CYP7B1: variants seen among roughly 807,000 people sequenced by gnomAD.
The protein encoded by CYP7B1 is cytochrome P450 7B1.
CYP7B1 carries 29 observed loss-of-function variants against 42.7 expected under a neutral mutation model. That is an observed-to-expected ratio of 0.68 (90% CI 0.51 to 0.93). CYP7B1 has a LOEUF of 0.93. CYP7B1 is among the 40% of genes least tolerant of loss of function. CYP7B1 has a pLI of 0.00. For synonymous variants in CYP7B1, 235 were observed against 218.2 expected, an observed-to-expected ratio of 1.08 and a Z score of -0.68; for missense variants, 655 against 600.5, an observed-to-expected ratio of 1.09 and a Z score of -0.95.
chr8:64,741,507 C>T lies in CYP7B1; in HGVS notation c.122+56959G>A, dbSNP rs531360358. 1.4e-3 allele frequency among the ~76,000 whole-genome samples: 217 copies of T among 152,068 alleles called. 1 individual carries two copies. The highest frequency in any genetic ancestry group is 2.3e-3 in the Non-Finnish European group (154 of 67,962). ...GCTAATTTTGCATTTTTAGTAGAGA[C>T]GAGGTTTCTCCATGTTGGTCAGGCT... On this transcript the variant is annotated intron_variant, in intron 1 of 5. Coordinates refer to ENST00000310193, the MANE Select transcript of CYP7B1 (RefSeq NM_004820.5).
At chr8:64,633,112 G>C (rs1328663351) in intron 1 of CYP7B1, among the ~76,000 whole-genome samples, 5 of 152,118 alleles carry the variant, frequency 3.3e-5, no homozygotes, top group African/African-American at 1.2e-4. Flanking sequence ...TTACATTTCT[G>C]CACATTTGAC....
intron 5 of CYP7B1, among the ~76,000 whole-genome samples, chr8:64,604,037 T>C (rs1474373644): frequency 3.3e-5 from 5 of 152,174 alleles, no homozygotes; most frequent in African/African-American, 1.2e-4. Flanking sequence ...GAAGCGGTAT[T>C]AAGGGATGAA....
At chr8:64,794,408 CA>C (rs1259292351) in intron 1 of CYP7B1, among the ~76,000 whole-genome samples, 3 of 152,160 alleles carry the variant, frequency 2.0e-5, no homozygotes, top group African/African-American at 7.2e-5. Context: ...ACTGCTATTG[CA>C]AAATACCATA....
intron 1 of CYP7B1, among the ~76,000 whole-genome samples, chr8:64,775,514 A>G (rs576753471): frequency 1.3e-5 from 2 of 152,150 alleles, no homozygotes; most frequent in Non-Finnish European, 2.9e-5. Context: ...CTAATGTATT[A>G]CTTGTTGATG....
chr8:64,621,470 CAAT>C (rs1250822726), intron 2 of CYP7B1, among the ~76,000 whole-genome samples: 1 of 152,136 alleles, frequency 6.6e-6, no homozygotes, highest in Non-Finnish European at 1.5e-5. Flanking sequence ...GTCAGGTAAA[CAAT>C]AACATTCTGG....
At position 64,594,974 on chromosome 8, in the gene CYP7B1, C is replaced by A. The variant is rs1221727438; in HGVS notation, c.*1668G>T. On this transcript the variant is annotated 3_prime_UTR_variant, in exon 6 of 6. Coordinates refer to ENST00000310193, the MANE Select transcript of CYP7B1 (RefSeq NM_004820.5). ...ATGAGAAACAGAAAGAAACTAAGAA[C>A]ATCAAAGACAAAGAGGACACGTTAA... 6.6e-6 allele frequency among the ~76,000 whole-genome samples: 1 copy of A among 152,180 alleles called. No homozygotes were observed. The highest frequency in any genetic ancestry group is 1.5e-5 in the Non-Finnish European group (1 of 68,036).
At chr8:64,589,869 T>G (rs1805012080), downstream of CYP7B1, 1 of 152,230 alleles carries the variant, frequency 6.6e-6, no homozygotes, top group African/African-American at 2.4e-5. Flanking sequence ...AAATACTTCA[T>G]GATTATATCT....
chr8:64,795,221 C>T (rs764709625), intron 1 of CYP7B1, among the ~76,000 whole-genome samples: 11 of 152,086 alleles, frequency 7.2e-5, no homozygotes, highest in South Asian at 2.1e-4. Context: ...ATAAGTTATA[C>T]GCAAAAAAGG....
chr8:64,704,489 T>C (rs1164418701), intron 1 of CYP7B1, among the ~76,000 whole-genome samples: 3 of 152,090 alleles, frequency 2.0e-5, no homozygotes, highest in Non-Finnish European at 2.9e-5. Context: ...AAATATAATA[T>C]GTATCAGAAC....
At chr8:64,747,247 AT>A (rs1260886904) in intron 1 of CYP7B1, among the ~76,000 whole-genome samples, 2 of 148,136 alleles carry the variant, frequency 1.4e-5, no homozygotes, top group Non-Finnish European at 3.0e-5. Context: ...ATAATATAGT[AT>A]TAAACGTAGT....
At chr8:64,770,189 A>G (rs1247772415) in intron 1 of CYP7B1, among the ~76,000 whole-genome samples, 2 of 152,192 alleles carry the variant, frequency 1.3e-5, no homozygotes, top group African/African-American at 4.8e-5. Flanking sequence ...TATATAAATC[A>G]TAGATGAGAC....
At chr8:64,685,189 G>A (rs932465732) in intron 1 of CYP7B1, among the ~76,000 whole-genome samples, 41 of 152,024 alleles carry the variant, frequency 2.7e-4, no homozygotes, top group African/African-American at 9.4e-4. Flanking sequence ...GGCAGCGGCT[G>A]GAGGAGCGGA....
At chr8:64,727,491 T>C (rs915298714) in intron 1 of CYP7B1, among the ~76,000 whole-genome samples, 1 of 152,168 alleles carries the variant, frequency 6.6e-6, no homozygotes, top group Admixed American at 6.5e-5. Context: ...ACATTGATCA[T>C]AATAGTAAAT....
chr8:64,670,293 T>C (rs1034077933), intron 1 of CYP7B1, among the ~76,000 whole-genome samples: 6 of 152,190 alleles, frequency 3.9e-5, no homozygotes, highest in African/African-American at 9.6e-5. Flanking sequence ...TCCTCTTACA[T>C]GTTTACATGT....
chr8:64,589,178 C>A (rs2129629550), downstream of CYP7B1, among the ~76,000 whole-genome samples: 1 of 152,344 alleles, frequency 6.6e-6, no homozygotes, highest in South Asian at 2.1e-4. Context: ...GTTGGATTTA[C>A]AGCATGTTGT....
intron 1 of CYP7B1, among the ~76,000 whole-genome samples, chr8:64,667,544 G>GATA (rs148738162): frequency 6.6e-6 from 1 of 152,082 alleles, no homozygotes; most frequent in African/African-American, 2.4e-5. Context: ...AGATAAGGAA[G>GATA]ATAATAATAA....
chr8:64,734,984 A>AT (rs1157296096), intron 1 of CYP7B1, among the ~76,000 whole-genome samples: 2 of 152,102 alleles, frequency 1.3e-5, no homozygotes, highest in Non-Finnish European at 1.5e-5. Context: ...GGCACCAGGG[A>AT]TTGGTCACTC....
At chr8:64,651,605 G>A (rs1806039746) in intron 1 of CYP7B1, among the ~76,000 whole-genome samples, 1 of 152,134 alleles carries the variant, frequency 6.6e-6, no homozygotes, top group African/African-American at 2.4e-5. Context: ...TGGTATTTGG[G>A]GGTGAGGCCT....
rs955525154 is a variant in CYP7B1 at position 64,786,670 on chromosome 8, T to A, written c.122+11796A>T. ...CAAGCTGTCAGTGGATCTACCATTA[T>A]GGGGTCTGGAGGATGGTGGCCTCCT... On this transcript the variant is annotated intron_variant, in intron 1 of 5. Transcript: ENST00000310193. Among the ~76,000 whole-genome samples, 3 of 152,320 alleles carry A rather than the reference T, an allele frequency of 2.0e-5. No individual in the cohort carries two copies. The South Asian group carries it at 6.2e-4, about 32-fold the overall frequency.
Sources: gnomAD v4.1 joint callset for allele counts (sites outside exome capture counted in the v4.1 genomes callset) on GRCh38, gnomAD v4.1.1 for gene constraint, MANE v1.5 for transcripts, NCBI Gene and HGNC (gene_info 2026-07-23, HGNC 2026-07-21) for gene names.